ABCG2: variants seen among roughly 807,000 people sequenced by gnomAD.
ABCG2 encodes the protein ATP binding cassette subfamily G member 2 (JR blood group).
In ABCG2, 80 loss-of-function variants were observed where a neutral mutation model predicts 73.5. That is an observed-to-expected ratio of 1.09 (90% CI 0.91 to 1.31). ABCG2 has a LOEUF of 1.31. Among genes scored for constraint, ABCG2 ranks in the 50% most tolerant of loss-of-function variants. ABCG2 has a pLI of 0.00. For missense variants in ABCG2, 796 were observed against 786.2 expected (o/e 1.01, Z -0.15); for synonymous variants, 269 against 282.4 (o/e 0.95, Z 0.48).
chr4:88,204,780 G>C (rs74943514), intron 1 of ABCG2, among the ~76,000 whole-genome samples: 10,515 of 152,240 alleles, frequency 0.069, 618 homozygotes, highest in East Asian at 0.32. Context: ...TGGCAGAAGG[G>C]AATTTGTCAT....
chr4:88,160,587 C>T (rs1007046611), upstream of ABCG2, among the ~76,000 whole-genome samples: 48 of 152,076 alleles, frequency 3.2e-4, no homozygotes, highest in African/African-American at 1.1e-3. Flanking sequence ...CGGTGGCTCA[C>T]GCCTGTAATC....
intron 1 of ABCG2, among the ~76,000 whole-genome samples, chr4:88,168,005 G>A (rs1013433779): frequency 2.7e-5 from 4 of 147,484 alleles, no homozygotes; most frequent in East Asian, 2.1e-4. Flanking sequence ...AAAAGCAGGC[G>A]TCAAAGTCTT....
At chr4:88,139,691 G>A (rs1039541492) in intron 2 of ABCG2, 102 bp downstream of exon 2, 26 of 944,218 alleles carry the variant, frequency 2.8e-5, no homozygotes, top group Non-Finnish European at 4.0e-5. Context: ...GCAAAGACTT[G>A]TACAAAAATG....
At chr4:88,187,137 A>T (rs972208966) in intron 1 of ABCG2, among the ~76,000 whole-genome samples, 4 of 145,608 alleles carry the variant, frequency 2.7e-5, no homozygotes, top group Non-Finnish European at 6.0e-5. Context: ...GTTACCAGAG[A>T]CTGGGAAGGT....
chr4:88,130,833 A>C (rs1020867382), intron 5 of ABCG2, among the ~76,000 whole-genome samples: 1 of 152,224 alleles, frequency 6.6e-6, no homozygotes, highest in African/African-American at 2.4e-5. Flanking sequence ...TTCACGTACA[A>C]CACCACATTG....
At chr4:88,202,641 C>A (rs1015101569) in intron 1 of ABCG2, among the ~76,000 whole-genome samples, 2 of 151,886 alleles carry the variant, frequency 1.3e-5, no homozygotes, top group Non-Finnish European at 2.9e-5. Flanking sequence ...AGGGCTCAAA[C>A]TTCCCATGGC....
At position 88,094,360 on chromosome 4, in the gene ABCG2, C is replaced by T. The variant is rs181194772; in HGVS notation, c.1820+217G>A. 7.6e-4 allele frequency among the ~76,000 whole-genome samples: 116 copies of T among 151,930 alleles called. 4 individuals carry two copies. The highest frequency in any genetic ancestry group is 5.2e-3 in the South Asian group (25 of 4,810). On this transcript the variant is annotated intron_variant, in intron 15 of 15. Coordinates refer to ENST00000237612, the MANE Select transcript of ABCG2 (RefSeq NM_004827.3). ...TAAGAAACAAACGTAAGAAACATTG[C>T]TGCATGTTAAAGACAATTTTTACTG...
At chr4:88,112,163 C>A (rs1031658730) in intron 9 of ABCG2, among the ~76,000 whole-genome samples, 6 of 151,902 alleles carry the variant, frequency 3.9e-5, no homozygotes, top group Non-Finnish European at 8.8e-5. Flanking sequence ...ACAGAGCCAA[C>A]CAAGGAACAA....
rs1210384198 is a variant in ABCG2, at chr4:88,118,273, T to A, written c.690-13A>T. 1 of 1,612,966 alleles carries A rather than the reference T, an allele frequency of 6.2e-7. No homozygotes were observed. The highest frequency in any genetic ancestry group is 1.7e-5 in the Admixed American group (1 of 59,960). On this transcript the variant is annotated splice_polypyrimidine_tract_variant and intron_variant, in intron 6 of 15. Transcript: ENST00000237612. ...CTGCTTAGACATCCTAAGTTAAAAG[T>A]GAGACAATACTAAGTCATTAAATAT...
At chr4:88,230,069 T>G (rs1357815347) in intron 1 of ABCG2, among the ~76,000 whole-genome samples, 1 of 149,746 alleles carries the variant, frequency 6.7e-6, no homozygotes, top group Non-Finnish European at 1.5e-5. Flanking sequence ...CTTAGCTCAC[T>G]GCAAATGCTG....
chr4:88,201,641 C>T (rs912043529), intron 1 of ABCG2: 1 of 152,118 alleles, frequency 6.6e-6, no homozygotes, highest in Non-Finnish European at 1.5e-5. Context: ...TCCCTAGCTA[C>T]TCAAGGACCA....
intron 9 of ABCG2, among the ~76,000 whole-genome samples, chr4:88,109,768 C>G (rs2622621): frequency 0.3 from 46,329 of 152,070 alleles, 7,867 homozygotes; most frequent in East Asian, 0.58. Flanking sequence ...GCAACAGATT[C>G]AAGATTTATC....
At chr4:88,225,907 T>C (rs543460907) in intron 1 of ABCG2, among the ~76,000 whole-genome samples, 4 of 152,092 alleles carry the variant, frequency 2.6e-5, no homozygotes, top group Non-Finnish European at 5.9e-5. Context: ...GAGAGGCAAG[T>C]GAAAGGGGTT....
chr4:88,213,022 C>T (rs1254564119), intron 1 of ABCG2, among the ~76,000 whole-genome samples: 1 of 152,154 alleles, frequency 6.6e-6, no homozygotes, highest in East Asian at 1.9e-4. Flanking sequence ...CCACCTCAGC[C>T]TCCTGAGTAG....
chr4:88,216,329 G>A (rs2110127271), intron 1 of ABCG2, among the ~76,000 whole-genome samples: 1 of 152,284 alleles, frequency 6.6e-6, no homozygotes, highest in Non-Finnish European at 1.5e-5. Context: ...GGACACAGAG[G>A]GTGGGAATAT....
At chr4:88,136,522 A>G (rs1434491975) in intron 2 of ABCG2, among the ~76,000 whole-genome samples, 2 of 152,090 alleles carry the variant, frequency 1.3e-5, no homozygotes, top group African/African-American at 2.4e-5. Flanking sequence ...CCTGGGAAAC[A>G]TAGTGAAACC....
At chr4:88,130,263 G>A (rs539241296) in intron 5 of ABCG2, among the ~76,000 whole-genome samples, 101 of 152,052 alleles carry the variant, frequency 6.6e-4, no homozygotes, top group African/African-American at 2.3e-3. Flanking sequence ...GGTCAGTGGC[G>A]GCATTAGATT....
chr4:88,223,337 A>T (rs1730081003), intron 1 of ABCG2, among the ~76,000 whole-genome samples: 1 of 152,174 alleles, frequency 6.6e-6, no homozygotes. Context: ...CTTATCTTGA[A>T]TTATAGTTCC....
chr4:88,152,196 G>GA (rs1045120044), intron 1 of ABCG2, among the ~76,000 whole-genome samples: 1 of 151,910 alleles, frequency 6.6e-6, no homozygotes, highest in African/African-American at 2.4e-5. Context: ...TTTCATTTGA[G>GA]AAAAAAATGG....
Sources: gnomAD v4.1 joint callset for allele counts (sites outside exome capture counted in the v4.1 genomes callset) on GRCh38, gnomAD v4.1.1 for gene constraint, MANE v1.5 for transcripts, NCBI Gene and HGNC (gene_info 2026-07-23, HGNC 2026-07-21) for gene names.